Variants in TAS1R1 observed in about 807,000 individuals in gnomAD.
TAS1R1 encodes the protein taste 1 receptor member 1.
Under a neutral mutation model 45.8 loss-of-function variants are expected in TAS1R1, and 31 were observed. The observed-to-expected ratio is 0.68, with a 90% CI of 0.51 to 0.91. The LOEUF (loss-of-function observed/expected upper bound fraction) is 0.91. Ranked by LOEUF, TAS1R1 falls within the 40% of genes least tolerant of loss-of-function variation. The probability of loss-of-function intolerance (pLI) is 0.00; values close to 1 mark genes in which losing one functional copy is unlikely to be tolerated. For missense variants in TAS1R1, 1,051 were observed against 1,063.9 expected, an observed-to-expected ratio of 0.99 and a Z score of 0.17; for synonymous variants, 437 against 448.4, an observed-to-expected ratio of 0.97 and a Z score of 0.32.
rs905331781 is a variant in TAS1R1, at chr1:6,573,173, C to T, written c.499-1458C>T. Among the ~76,000 whole-genome samples, 5 of 152,068 alleles carry T rather than the reference C, an allele frequency of 3.3e-5. No homozygotes were observed. The South Asian group carries it at 8.3e-4, about 25-fold the overall frequency. On this transcript the variant is annotated intron_variant, in intron 2 of 5. Coordinates refer to ENST00000333172, the MANE Select transcript of TAS1R1 (RefSeq NM_138697.4). ...ACGCTCATGAAATGCAAGTCCCGGC[C>T]GGGCACCGGGCGCGGGGGCTCACGC...
Position 6,574,582 on chromosome 1 carries a change from G to T in TAS1R1, c.499-49G>T, listed in dbSNP as rs773930158. On this transcript the variant is annotated intron_variant, in intron 2 of 5. Transcript: ENST00000333172. The surrounding 1 kb of genome is among the most constrained non-coding windows in gnomAD (Gnocchi z 4.3). ...CACACCCAGCACAGGGCCAGGCACT[G>T]GGGGGGCCTTCAGTGGAGACTGAAA... is the stretch of plus-strand genomic sequence containing the variant. 4 of 1,555,310 alleles carry T rather than the reference G, an allele frequency of 2.6e-6. No individual in the cohort carries two copies. The highest frequency in any genetic ancestry group is 4.5e-5 in the East Asian group (2 of 44,362).
Position 6,576,930 on chromosome 1 carries a change from G to T in TAS1R1, c.1474-20G>T. The T allele has an allele frequency of 6.2e-7, 1 of 1,614,228 alleles. No homozygotes were observed. The highest frequency in any genetic ancestry group is 8.5e-7 in the Non-Finnish European group (1 of 1,180,024). On this transcript the variant is annotated intron_variant, in intron 4 of 5. Coordinates refer to ENST00000333172, the MANE Select transcript of TAS1R1 (RefSeq NM_138697.4). ...CCTTTGACTTGGGCCCCTACGTGTG[G>T]CCCCTCTGGCTTCTTACAGGTGCCT...
chr1:6,573,096 C>T (rs1339914804), intron 2 of TAS1R1, among the ~76,000 whole-genome samples: 1 of 152,220 alleles, frequency 6.6e-6, no homozygotes, highest in Non-Finnish European at 1.5e-5. Flanking sequence ...AGGCTTCCCC[C>T]TGATTTTAGT....
In TAS1R1 at chr1:6,579,175, C is replaced by G. The variant is rs754650407; in HGVS notation, c.2117C>G (p.Ala706Gly). The G allele has an allele frequency of 6.2e-7, 1 of 1,614,206 alleles. No individual in the cohort carries two copies. Among genetic ancestry groups the G allele is most frequent in the Non-Finnish European group, 8.5e-7 (1 of 1,180,042 alleles). Reference sequence around the variant, plus strand: ...CTGGTGGTGTGGACCCCACTGCCTGCTAGGGAATACCAGCGCTTCCCCCAT... The same window carrying G: ...CTGGTGGTGTGGACCCCACTGCCTGGTAGGGAATACCAGCGCTTCCCCCAT... The part of the protein sequence containing the change: ...TWLVVWTPLP[A>G]REYQRFPHLV... Residue 706 changes from alanine to glycine, a missense_variant, in exon 6 of 6, where the codon GCT becomes GGT. Coordinates refer to ENST00000333172, the MANE Select transcript of TAS1R1 (RefSeq NM_138697.4).
In TAS1R1 at chr1:6,574,568, C is replaced by T; in HGVS notation, c.499-63C>T. On this transcript the variant is annotated intron_variant, in intron 2 of 5. Transcript: ENST00000333172. The surrounding 1 kb of genome is among the most constrained non-coding windows in gnomAD (Gnocchi z 4.3). ...GCTCCCTGTATCCCCACACCCAGCACAGGGCCAGGCACTGGGGGGGCCTTC... is the reference window on the plus strand; with the variant it reads ...GCTCCCTGTATCCCCACACCCAGCATAGGGCCAGGCACTGGGGGGGCCTTC... 4 of 1,542,216 alleles carry T rather than the reference C, an allele frequency of 2.6e-6. No individual in the cohort carries two copies. In the South Asian group the frequency reaches 5.0e-5, roughly 19 times the overall value.
At position 6,558,036 on chromosome 1, in the gene TAS1R1, G is replaced by GTT. The variant is rs779773064; in HGVS notation, c.191+2476_191+2477dup. Among the ~76,000 whole-genome samples, 215 of 140,826 alleles carry GTT rather than the reference G, an allele frequency of 1.5e-3. 7 individuals are homozygous for GTT. The highest frequency in any genetic ancestry group is 7.1e-3 in the Middle Eastern group (2 of 282). The allele number at this position is 140,826 out of a possible 152,430, so 92.4% of individuals were successfully genotyped here. ...CAAGGTTAAGCAGGTGTAGTGGTTA[G>GTT]TTTTTGTTTTTGTTTTTGTTTTTTT... On this transcript the variant is annotated intron_variant, in intron 1 of 5. Transcript: ENST00000333172.
chr1:6,575,072 G>C lies in TAS1R1; in HGVS notation c.940G>C (p.Gly314Arg). The change falls in exon 3 of 6, where the codon GGG (glycine) becomes CGG (arginine). Residue 314 changes from glycine to arginine, a missense_variant. Transcript: ENST00000333172. ...CTCCAGGCACATCACTGGGGTGCCC[G>C]GGATCCAGCGCATTGGGATGGTGCT... ...ALSRHITGVPGIQRIGMVLGV... is the reference protein window; with the variant it reads ...ALSRHITGVPRIQRIGMVLGV... 6.3e-7 allele frequency: 1 copy of C among 1,588,726 alleles called. No homozygotes were observed. The highest frequency in any genetic ancestry group is 8.6e-7 in the Non-Finnish European group (1 of 1,166,504).
At position 6,579,708 on chromosome 1, in the gene TAS1R1, G is replaced by A. The variant is rs1557814912; in HGVS notation, c.*124G>A. ...TGGGGTTGGGACGTGTAAGCGCCTG[G>A]GAGAGCCTAGACCAGGCTCCGGGCT... On this transcript the variant is annotated 3_prime_UTR_variant, in exon 6 of 6. Coordinates refer to ENST00000333172, the MANE Select transcript of TAS1R1 (RefSeq NM_138697.4). 1 of 1,346,634 alleles carries A rather than the reference G, an allele frequency of 7.4e-7. No individual in the cohort carries two copies. Among genetic ancestry groups the A allele is most frequent in the Non-Finnish European group, 9.9e-7 (1 of 1,013,066 alleles). The allele number at this position is 1,346,634 out of a possible 1,614,324, so 83.4% of individuals were successfully genotyped here.
intron 1 of TAS1R1, among the ~76,000 whole-genome samples, chr1:6,555,791 T>A (rs958693246): frequency 1.3e-5 from 2 of 152,148 alleles, no homozygotes; most frequent in Non-Finnish European, 2.9e-5. Context: ...GTATTGTAAC[T>A]TCATTGAAAT....
chr1:6,559,505 A>G (rs1639744511), intron 1 of TAS1R1, among the ~76,000 whole-genome samples: 1 of 151,608 alleles, frequency 6.6e-6, no homozygotes, highest in Non-Finnish European at 1.5e-5. Flanking sequence ...TAAAATACAA[A>G]AAAATTAGCT....
rs1287642352 is a variant in TAS1R1 at position 6,577,075 on chromosome 1, G to T, written c.1594+5G>T. 2 of 1,614,072 alleles carry T rather than the reference G, an allele frequency of 1.2e-6. No individual in the cohort carries two copies. The highest frequency in any genetic ancestry group is 2.7e-5 in the African/African-American group (2 of 74,954). On this transcript the variant is annotated splice_donor_5th_base_variant and intron_variant, in intron 5 of 5. Coordinates refer to ENST00000333172, the MANE Select transcript of TAS1R1 (RefSeq NM_138697.4). Reference sequence around the variant, plus strand: ...GGACCTTCCTCAACAAGAGTGGTGAGTGGGCAATGGAGCAGGCGAGCTACC... The same window carrying T: ...GGACCTTCCTCAACAAGAGTGGTGATTGGGCAATGGAGCAGGCGAGCTACC...
At chr1:6,571,635 T>A (rs1640020458) in intron 2 of TAS1R1, among the ~76,000 whole-genome samples, 1 of 152,062 alleles carries the variant, frequency 6.6e-6, no homozygotes, top group Admixed American at 6.6e-5. Context: ...GCCTGGCCAG[T>A]ATGGCGAAAC....
At chr1:6,558,293 A>G (rs2148666180) in intron 1 of TAS1R1, among the ~76,000 whole-genome samples, 1 of 152,212 alleles carries the variant, frequency 6.6e-6, no homozygotes, top group East Asian at 1.9e-4. Flanking sequence ...TCACAGTGCT[A>G]GGCCTCCCAG....
In TAS1R1 at chr1:6,571,184, C is replaced by T. The variant is rs770349140; in HGVS notation, c.467C>T (p.Ala156Val). 2.5e-6 allele frequency: 4 copies of T among 1,589,724 alleles called. No homozygotes were observed. The highest frequency in any genetic ancestry group is 2.7e-5 in the African/African-American group (2 of 74,546). The change falls in exon 2 of 6, where the codon GCC becomes GTC. Residue 156 changes from alanine (A) to valine (V), a missense_variant. Physicochemically the swap from Ala to Val is moderately conservative, Grantham distance 64 (BLOSUM62 0). Coordinates refer to ENST00000333172, the MANE Select transcript of TAS1R1 (RefSeq NM_138697.4). ...AGCACCAACCGTGCTGCCACCACAG[C>T]CGCCCTGCTGAGCCCTTTCCTGGTG... is the stretch of plus-strand genomic sequence containing the variant. ...PDSTNRAATT[A>V]ALLSPFLVPM... is the part of the protein sequence containing the mutation.
rs776400592 is a variant in TAS1R1 at position 6,575,265 on chromosome 1, T to C, written c.1133T>C (p.Leu378Pro). 12 of 1,613,216 alleles carry C rather than the reference T, an allele frequency of 7.4e-6. No homozygotes were observed. Among genetic ancestry groups the C allele is most frequent in the Admixed American group, 1.7e-5 (1 of 60,014 alleles). ...QAFMAHTMPK[L>P]KAFSMSSAYN... ...TTCATGGCACACACGATGCCCAAGC[T>C]CAAAGCCTTCTCCATGAGTTCTGCC... Residue 378 changes from leucine to proline, a missense_variant, in exon 3 of 6, where the codon CTC becomes CCC. Physicochemically the swap from Leu to Pro is moderately conservative, Grantham distance 98. Transcript: ENST00000333172.
intron 3 of TAS1R1, 45 bp downstream of exon 3, chr1:6,575,437 A>G: frequency 1.3e-6 from 2 of 1,512,282 alleles, no homozygotes; most frequent in East Asian, 2.3e-5. Flanking sequence ...AGAACAGCCA[A>G]TCCTGAGATG....
At position 6,555,361 on chromosome 1, in the gene TAS1R1, G is replaced by C; in HGVS notation, c.-13G>C. The C allele has an allele frequency of 1.3e-6, 2 of 1,566,984 alleles. No individual in the cohort carries two copies. The highest frequency in any genetic ancestry group is 1.7e-6 in the Non-Finnish European group (2 of 1,152,698). On this transcript the variant is annotated 5_prime_UTR_variant, in exon 1 of 6. Coordinates refer to ENST00000333172, the MANE Select transcript of TAS1R1 (RefSeq NM_138697.4). Reference sequence around the variant, plus strand: ...CACTCCTTGGCCATGCCAGGCGCGGGCATCTGGCCAGCATGCTGCTCTGCA... The same window carrying C: ...CACTCCTTGGCCATGCCAGGCGCGGCCATCTGGCCAGCATGCTGCTCTGCA...
Position 6,579,637 on chromosome 1 carries a change from G to A in TAS1R1, c.*53G>A. 1 of 1,552,558 alleles carries A rather than the reference G, an allele frequency of 6.4e-7. No homozygotes were observed. Reference sequence around the variant, plus strand: ...GCCTTCTCTGCCCTGAGGGTCGAAGGTCGAGCAGGCCGGGGGTGTCCGGGA... The same window carrying A: ...GCCTTCTCTGCCCTGAGGGTCGAAGATCGAGCAGGCCGGGGGTGTCCGGGA... On this transcript the variant is annotated 3_prime_UTR_variant, in exon 6 of 6. Coordinates refer to ENST00000333172, the MANE Select transcript of TAS1R1 (RefSeq NM_138697.4).
Position 6,564,317 on chromosome 1 carries a change from T to C in TAS1R1, c.192-6592T>C, listed in dbSNP as rs1032141094. ...TGGTCGTGGAGGCTTCATGGGGTTT[T>C]GGGAGGGCCTGGTCGGCTTGTTCGT... On this transcript the variant is annotated intron_variant, in intron 1 of 5. Transcript: ENST00000333172. Among the ~76,000 whole-genome samples, 10 of 152,176 alleles carry C rather than the reference T, an allele frequency of 6.6e-5. No homozygotes were observed. The South Asian group carries it at 1.5e-3, about 22-fold the overall frequency.
Sources: gnomAD v4.1 joint callset for allele counts (sites outside exome capture counted in the v4.1 genomes callset) on GRCh38, gnomAD v4.1.1 for gene constraint, Gnocchi (gnomAD v3.1) non-coding constraint, MANE v1.5 for transcripts, NCBI Gene and HGNC (gene_info 2026-07-23, HGNC 2026-07-21) for gene names.